The following MLLT3 variants were observed in gnomAD, a reference collection of about 807,000 sequenced individuals.
MLLT3 encodes the protein MLLT3 super elongation complex subunit.
MLLT3 carries 4 observed loss-of-function variants against 53.2 expected under a neutral mutation model. The ratio of observed to expected loss-of-function variants is 0.08; its 90% CI spans 0.04 to 0.17. The LOEUF (loss-of-function observed/expected upper bound fraction) is 0.17. Among genes scored for constraint, MLLT3 ranks in the 10% least tolerant of loss-of-function variants. The probability of loss-of-function intolerance (pLI) is 1.00; values close to 1 mark genes in which losing one functional copy is unlikely to be tolerated. For synonymous variants in MLLT3, 283 were observed against 230.6 expected, an observed-to-expected ratio of 1.23 and a Z score of -2.06; for missense variants, 569 against 684.0, an observed-to-expected ratio of 0.83 and a Z score of 1.87.
chr9:20,473,436 C>T (rs1221930536), intron 2 of MLLT3, among the ~76,000 whole-genome samples: 2 of 151,852 alleles, frequency 1.3e-5, no homozygotes, highest in Non-Finnish European at 2.9e-5. Flanking sequence ...AGAACAACAA[C>T]AAAATAAAAT....
intron 2 of MLLT3, among the ~76,000 whole-genome samples, chr9:20,545,934 C>T (rs1563811228): frequency 1.3e-5 from 2 of 151,602 alleles, no homozygotes; most frequent in Admixed American, 6.6e-5. Context: ...AGAAGGATCA[C>T]TTGAGCTCAA....
At chr9:20,568,341 C>T (rs553955619) in intron 2 of MLLT3, among the ~76,000 whole-genome samples, 2 of 152,112 alleles carry the variant, frequency 1.3e-5, no homozygotes, top group South Asian at 4.1e-4. Context: ...TTTTAAATTT[C>T]CATAATACAA....
intron 5 of MLLT3, among the ~76,000 whole-genome samples, chr9:20,387,239 G>A (rs7039016): frequency 0.17 from 26,296 of 152,086 alleles, 5,896 homozygotes; most frequent in African/African-American, 0.52. Flanking sequence ...ATGTAAACAA[G>A]TGGCATGGCT....
At chr9:20,561,153 A>C (rs1226984478) in intron 2 of MLLT3, among the ~76,000 whole-genome samples, 1 of 152,140 alleles carries the variant, frequency 6.6e-6, no homozygotes, top group Non-Finnish European at 1.5e-5. Context: ...GCGTGTGTGC[A>C]CAAGCACATG....
chr9:20,539,508 C>A lies in MLLT3; in HGVS notation c.193+81146G>T, dbSNP rs531213382. Among the ~76,000 whole-genome samples the A allele has an allele frequency of 5.3e-5, 8 of 152,218 alleles. No individual in the cohort carries two copies. In the East Asian group the frequency reaches 1.4e-3, roughly 26 times the overall value. On this transcript the variant is annotated intron_variant, in intron 2 of 10. Coordinates refer to ENST00000380338, the MANE Select transcript of MLLT3 (RefSeq NM_004529.4). Reference sequence around the variant, plus strand: ...GAAGGCAAAGGGGAAGCAAGGCACACCTTATAGGACAGCAGGAGAGAGAGA... The same window carrying A: ...GAAGGCAAAGGGGAAGCAAGGCACAACTTATAGGACAGCAGGAGAGAGAGA...
chr9:20,428,985 TACAAAGAAA>T (rs1823200342), intron 4 of MLLT3, among the ~76,000 whole-genome samples: 1 of 152,162 alleles, frequency 6.6e-6, no homozygotes, highest in African/African-American at 2.4e-5. Flanking sequence ...GAAATCTTCC[TACAAAGAAA>T]ACATCAAGCC....
chr9:20,467,200 T>C (rs1165806748), intron 2 of MLLT3, among the ~76,000 whole-genome samples: 1 of 152,120 alleles, frequency 6.6e-6, no homozygotes, highest in South Asian at 2.1e-4. Flanking sequence ...AGGTTGGACT[T>C]GAACTCCTGG....
chr9:20,389,638 CAT>C (rs1035240425), intron 5 of MLLT3, among the ~76,000 whole-genome samples: 34 of 151,868 alleles, frequency 2.2e-4, no homozygotes, highest in African/African-American at 7.0e-4. Flanking sequence ...AAAAAAGCCA[CAT>C]GTGGTGGCAT....
intron 5 of MLLT3, among the ~76,000 whole-genome samples, chr9:20,378,254 G>A (rs1821821845): frequency 6.6e-6 from 1 of 151,912 alleles, no homozygotes; most frequent in Admixed American, 6.6e-5. Context: ...AGGTTTACAG[G>A]GAGAGATGAG....
intron 2 of MLLT3, among the ~76,000 whole-genome samples, chr9:20,475,628 T>G (rs1824501254): frequency 6.6e-6 from 1 of 152,154 alleles, no homozygotes; most frequent in Non-Finnish European, 1.5e-5. Flanking sequence ...TTGGTGCATT[T>G]GTTTAAAACA....
At chr9:20,520,584 AAT>A (rs1179129699) in intron 2 of MLLT3, among the ~76,000 whole-genome samples, 1 of 152,228 alleles carries the variant, frequency 6.6e-6, no homozygotes, top group African/African-American at 2.4e-5. Context: ...CAAGAAAATG[AAT>A]AGAGACTAAT....
At chr9:20,504,490 G>T (rs1040861904) in intron 2 of MLLT3, among the ~76,000 whole-genome samples, 2 of 152,198 alleles carry the variant, frequency 1.3e-5, no homozygotes, top group South Asian at 2.1e-4. Flanking sequence ...AAATAGGCCA[G>T]ACACAGAAAG....
chr9:20,512,991 A>C (rs1053624092), intron 2 of MLLT3, among the ~76,000 whole-genome samples: 1 of 152,290 alleles, frequency 6.6e-6, no homozygotes, highest in Non-Finnish European at 1.5e-5. Flanking sequence ...ATAAGACACC[A>C]TATTAAGAAC....
intron 8 of MLLT3, among the ~76,000 whole-genome samples, chr9:20,358,617 A>G (rs1821233843): frequency 6.6e-6 from 1 of 152,228 alleles, no homozygotes; most frequent in Non-Finnish European, 1.5e-5. Context: ...CCATTCAGGA[A>G]GGGCTTAAGT....
chr9:20,376,813 T>C (rs1298426318), intron 5 of MLLT3, among the ~76,000 whole-genome samples: 2 of 152,196 alleles, frequency 1.3e-5, no homozygotes, highest in African/African-American at 2.4e-5. Context: ...AAAAATCCAG[T>C]TGTTGCAAGA....
chr9:20,589,597 A>G (rs1309485681), intron 2 of MLLT3, among the ~76,000 whole-genome samples: 6 of 129,564 alleles, frequency 4.6e-5, no homozygotes, highest in Non-Finnish European at 6.8e-5. Flanking sequence ...TAAAAAAAAA[A>G]AGAAAATTTT....
At chr9:20,409,108 A>C (rs1412349150) in intron 5 of MLLT3, among the ~76,000 whole-genome samples, 1 of 152,188 alleles carries the variant, frequency 6.6e-6, no homozygotes, top group Non-Finnish European at 1.5e-5. Context: ...CATTTTGCCA[A>C]ATGTAATTTG....
intron 2 of MLLT3, among the ~76,000 whole-genome samples, chr9:20,611,803 T>G (rs929057796): frequency 2.6e-5 from 4 of 152,126 alleles, no homozygotes; most frequent in African/African-American, 9.7e-5. Context: ...CTTACCACAC[T>G]TAAGTCAAAA....
At chr9:20,507,009 A>G (rs1825397829) in intron 2 of MLLT3, among the ~76,000 whole-genome samples, 1 of 152,216 alleles carries the variant, frequency 6.6e-6, no homozygotes, top group African/African-American at 2.4e-5. Context: ...CCAAATCAAC[A>G]CTTACTATTC....
Sources: allele counts gnomAD v4.1 joint callset (sites outside exome capture counted in the v4.1 genomes callset), GRCh38; gene constraint gnomAD v4.1.1; transcripts MANE v1.5; gene names NCBI Gene and HGNC (gene_info 2026-07-23, HGNC 2026-07-21).